NPHP1: variants seen among roughly 807,000 people sequenced by gnomAD.
NPHP1 encodes the protein nephrocystin-1.
In NPHP1, 70 loss-of-function variants were observed where a neutral mutation model predicts 90.4. The ratio of observed to expected loss-of-function variants is 0.77; its 90% confidence interval spans 0.64 to 0.95. The LOEUF is 0.95. Ranked by LOEUF, NPHP1 falls within the 40% of genes least tolerant of loss-of-function variation. The pLI is 0.00. For synonymous variants in NPHP1, 256 were observed against 271.7 expected (o/e 0.94, Z 0.57); for missense variants, 764 against 795.9 (o/e 0.96, Z 0.48).
intron 9 of NPHP1, among the ~76,000 whole-genome samples, chr2:110,161,977 A>T (rs1682375564): frequency 6.6e-6 from 1 of 152,166 alleles, no homozygotes; most frequent in Non-Finnish European, 1.5e-5. Context: ...TCATTCAAAT[A>T]TTTTTGTAAA....
At position 110,149,988 on chromosome 2, in the gene NPHP1, TTGAA is replaced by T. The variant is rs1217889848; in HGVS notation, c.1158+190_1158+193del. 4.6e-5 allele frequency among the ~76,000 whole-genome samples: 7 copies of T among 152,316 alleles called. No individual in the cohort carries two copies. In the East Asian group the frequency reaches 1.3e-3, roughly 29 times the overall value. ...TTCTAAAAATGAACCCTGAAACTGATTGAATGGGATGATTCATAGGAATTACTAA... is the reference window on the plus strand; with the variant it reads ...TTCTAAAAATGAACCCTGAAACTGATTGGGATGATTCATAGGAATTACTAA... On this transcript the variant is annotated intron_variant, in intron 12 of 19. Coordinates refer to ENST00000445609, the MANE Select transcript of NPHP1 (RefSeq NM_001128178.3).
At chr2:110,173,825 G>A (rs184477881) in intron 4 of NPHP1, among the ~76,000 whole-genome samples, 12 of 152,154 alleles carry the variant, frequency 7.9e-5, no homozygotes, top group South Asian at 6.2e-4. Flanking sequence ...ATTAGATCAC[G>A]GTGGTTAAGG....
chr2:110,173,834 G>T (rs1242724900), intron 4 of NPHP1, among the ~76,000 whole-genome samples: 1 of 151,986 alleles, frequency 6.6e-6, no homozygotes, highest in Non-Finnish European at 1.5e-5. Flanking sequence ...CGGTGGTTAA[G>T]GATTGTGAAT....
At chr2:110,185,636 C>T (rs908241427) in intron 2 of NPHP1, among the ~76,000 whole-genome samples, 9 of 152,178 alleles carry the variant, frequency 5.9e-5, no homozygotes, top group African/African-American at 9.7e-5. Flanking sequence ...CTGGTCACTC[C>T]GCTATCAATG....
At chr2:110,144,149 G>A (rs570924367) in intron 15 of NPHP1, 2 of 338,232 alleles carry the variant, frequency 5.9e-6, no homozygotes, top group Non-Finnish European at 1.1e-5. Context: ...TTTCTAGAGG[G>A]CAATTTGGCA....
chr2:110,137,769 A>G (rs1680313318), intron 16 of NPHP1, among the ~76,000 whole-genome samples: 1 of 151,482 alleles, frequency 6.6e-6, no homozygotes, highest in Admixed American at 6.6e-5. Flanking sequence ...CAGTGTGGTG[A>G]TTCCTCAGGG....
intron 8 of NPHP1, 64 bp downstream of exon 8, chr2:110,164,624 T>A: frequency 1.2e-6 from 2 of 1,612,528 alleles, no homozygotes; most frequent in Non-Finnish European, 1.7e-6. Context: ...GTCTCCATCC[T>A]ATTTCGCATC....
chr2:110,195,795 C>T (rs1246266990), intron 2 of NPHP1, among the ~76,000 whole-genome samples: 1 of 152,024 alleles, frequency 6.6e-6, no homozygotes, highest in Non-Finnish European at 1.5e-5. Context: ...GGTACTGGTA[C>T]CAAAACAGAG....
At chr2:110,146,649 C>CA in intron 14 of NPHP1, 104 bp downstream of exon 14, 1 of 851,328 alleles carries the variant, frequency 1.2e-6, no homozygotes, top group South Asian at 1.4e-5. Context: ...GTCCTCTCCC[C>CA]AAAAGTTATT....
chr2:110,196,209 G>A (rs576966348), intron 2 of NPHP1, among the ~76,000 whole-genome samples: 1,547 of 152,092 alleles, frequency 0.01, 26 homozygotes, highest in African/African-American at 0.036. Context: ...CCATCAGAGT[G>A]AACAGGCAAC....
chr2:110,148,983 T>C (rs1681268189), intron 12 of NPHP1, among the ~76,000 whole-genome samples: 1 of 152,166 alleles, frequency 6.6e-6, no homozygotes. Context: ...TTTACCCTCC[T>C]GTGTGCTTCC....
chr2:110,193,199 G>C (rs1684877026), intron 2 of NPHP1, among the ~76,000 whole-genome samples: 1 of 152,146 alleles, frequency 6.6e-6, no homozygotes, highest in Non-Finnish European at 1.5e-5. Context: ...CCAATTAAAA[G>C]ACACAGATTG....
chr2:110,148,057 T>A lies in NPHP1; in HGVS notation c.1159-31A>T, dbSNP rs747679629. On this transcript the variant is annotated intron_variant, in intron 12 of 19. Coordinates refer to ENST00000445609, the MANE Select transcript of NPHP1 (RefSeq NM_001128178.3). ...ATGATAAAGAAATTAAAGTTATTGA[T>A]AAAAATAAAAAATGGGAAGGGGGTT... 7 of 1,391,872 alleles carry A rather than the reference T, an allele frequency of 5.0e-6. No homozygotes were observed. In the Admixed American group the frequency reaches 1.2e-4, roughly 23 times the overall value. The allele number at this position is 1,391,872 out of a possible 1,614,324, so 86.2% of individuals were successfully genotyped here.
chr2:110,150,093 T>A, intron 12 of NPHP1, 89 bp downstream of exon 12: 3 of 1,016,566 alleles, frequency 3.0e-6, no homozygotes, highest in Non-Finnish European at 4.7e-6. Flanking sequence ...GATTTATATC[T>A]GTTCCCACAT....
chr2:110,125,293 T>TC, intron 19 of NPHP1: 1 of 1,535,574 alleles, frequency 6.5e-7, no homozygotes, highest in Non-Finnish European at 8.7e-7. Flanking sequence ...CATTTTTTTT[T>TC]CCCTTCTCTT....
intron 16 of NPHP1, among the ~76,000 whole-genome samples, chr2:110,132,473 G>A (rs1028330447): frequency 6.6e-6 from 1 of 152,138 alleles, no homozygotes; most frequent in Non-Finnish European, 1.5e-5. Context: ...TGGCCAACAT[G>A]GTGAAACCAT....
At position 110,204,987 on chromosome 2, in the gene NPHP1, C is replaced by A; in HGVS notation, c.-19G>T. 1 of 1,613,482 alleles carries A rather than the reference C, an allele frequency of 6.2e-7. No homozygotes were observed. Among genetic ancestry groups the A allele is most frequent in the South Asian group, 1.1e-5 (1 of 91,060 alleles). On this transcript the variant is annotated 5_prime_UTR_variant, in exon 1 of 20. Coordinates refer to ENST00000445609, the MANE Select transcript of NPHP1 (RefSeq NM_001128178.3). ...CCAGCATCTCCCTGGCTGCGGTGCT[C>A]TGATTGCTCCAGTTGCCAGGGAAAC...
intron 11 of NPHP1, among the ~76,000 whole-genome samples, chr2:110,156,627 T>A (rs942636451): frequency 6.6e-6 from 1 of 152,108 alleles, no homozygotes; most frequent in African/African-American, 2.4e-5. Context: ...CTTCAGGTAG[T>A]TGCTTTTTAC....
intron 2 of NPHP1, among the ~76,000 whole-genome samples, chr2:110,191,898 G>T (rs531783737): frequency 7.0e-6 from 1 of 143,572 alleles, no homozygotes; most frequent in African/African-American, 2.5e-5. Context: ...GGCAAACAGC[G>T]TCTGGAGTGG....
Sources: allele counts gnomAD v4.1 joint callset (sites outside exome capture counted in the v4.1 genomes callset), GRCh38; gene constraint gnomAD v4.1.1; transcripts MANE v1.5; gene names NCBI Gene and HGNC (gene_info 2026-07-23, HGNC 2026-07-21).